The following ADD3 variants were observed in gnomAD, a reference collection of about 807,000 sequenced individuals.
The protein encoded by ADD3 is adducin 3, also known as gamma-adducin.
A neutral mutation model predicts 80.2 loss-of-function variants in ADD3; 25 were observed. The ratio of observed to expected loss-of-function variants is 0.31; its 90% CI spans 0.23 to 0.44. ADD3 has a LOEUF of 0.44. Among genes scored for constraint, ADD3 ranks in the 20% least tolerant of loss-of-function variants. The probability of loss-of-function intolerance (pLI) is 1.00; values close to 1 mark genes in which losing one functional copy is unlikely to be tolerated. For synonymous variants in ADD3, 284 were observed against 289.6 expected, an observed-to-expected ratio of 0.98 and a Z score of 0.20; for missense variants, 829 against 847.5, an observed-to-expected ratio of 0.98 and a Z score of 0.27.
At chr10:110,053,211 A>G (rs1189407613) in intron 1 of ADD3, among the ~76,000 whole-genome samples, 1 of 152,104 alleles carries the variant, frequency 6.6e-6, no homozygotes, top group Non-Finnish European at 1.5e-5. Flanking sequence ...ATTTAGTTCA[A>G]TAGTAATAAA....
chr10:110,013,671 TA>T (rs1852591227), intron 1 of ADD3, among the ~76,000 whole-genome samples: 1 of 152,172 alleles, frequency 6.6e-6, no homozygotes, highest in African/African-American at 2.4e-5. Context: ...TACACGAAAT[TA>T]TTTTTTTAAG....
chr10:110,109,067 T>A (rs1849694621), intron 2 of ADD3, among the ~76,000 whole-genome samples: 1 of 152,204 alleles, frequency 6.6e-6, no homozygotes, highest in African/African-American at 2.4e-5. Context: ...AGCATTTCAC[T>A]AATGTAAAAA....
upstream of ADD3, among the ~76,000 whole-genome samples, chr10:110,003,769 A>G (rs1204193448): frequency 2.0e-5 from 3 of 152,158 alleles, no homozygotes; most frequent in Non-Finnish European, 4.4e-5. Context: ...TGTGGCTACA[A>G]TTTAATTGGA....
At position 110,126,425 on chromosome 10, in the gene ADD3, A is replaced by T; in HGVS notation, c.1530A>T (p.Glu510Asp). 6.2e-7 allele frequency: 1 copy of T among 1,613,400 alleles called. No individual in the cohort carries two copies. The highest frequency in any genetic ancestry group is 8.5e-7 in the Non-Finnish European group (1 of 1,179,782). The change falls in exon 12 of 15, where the codon GAA (glutamate) becomes GAT (aspartate). Residue 510 changes from glutamate to aspartate, a missense_variant. Glu to Asp is a conservative substitution (Grantham distance 45). Coordinates refer to ENST00000356080, the MANE Select transcript of ADD3 (RefSeq NM_016824.5). ...ATTGTTTTTCAATTCAGATTCGGGAACAAAATCGATATGACTTGAAAACAG... is the reference window on the plus strand; with the variant it reads ...ATTGTTTTTCAATTCAGATTCGGGATCAAAATCGATATGACTTGAAAACAG... ...EVLEKRNKIR[E>D]QNRYDLKTAG...
upstream of ADD3, among the ~76,000 whole-genome samples, chr10:110,005,296 G>A (rs1216706000): frequency 6.6e-6 from 1 of 150,644 alleles, no homozygotes; most frequent in Non-Finnish European, 1.5e-5. Flanking sequence ...TCCTGACCTC[G>A]TGATCTACCT....
intron 1 of ADD3, chr10:109,996,594 A>T (rs1851384358): frequency 6.6e-6 from 1 of 152,224 alleles, no homozygotes; most frequent in African/African-American, 2.4e-5. Context: ...AGAGAAGGAA[A>T]TGAGAACTAA....
intron 1 of ADD3, among the ~76,000 whole-genome samples, chr10:110,043,254 A>C (rs553582266): frequency 6.6e-6 from 1 of 152,248 alleles, no homozygotes; most frequent in South Asian, 2.1e-4. Flanking sequence ...CTTGCATCCG[A>C]ATTAATGTTC....
rs766896416 is a variant in ADD3, at chr10:110,133,355, A to G, written c.1858A>G (p.Ile620Val). The G allele has an allele frequency of 1.3e-6, 2 of 1,592,996 alleles. No individual in the cohort carries two copies. Among genetic ancestry groups the G allele is most frequent in the African/African-American group, 1.3e-5 (1 of 74,722 alleles). The part of the protein sequence containing the change: ...ENHELFSKSF[I>V]SMEVPVMVVN... ...CCATGAGCTGTTTTCCAAGAGCTTC[A>G]TCTCCATGGAAGTGCCTGTCATGGT... is the stretch of plus-strand genomic sequence containing the variant. The change falls in exon 15 of 15, where the codon ATC (isoleucine) becomes GTC (valine). Residue 620 changes from isoleucine to valine, a missense_variant. Transcript: ENST00000356080.
intron 1 of ADD3, among the ~76,000 whole-genome samples, chr10:110,042,502 T>C (rs757681486): frequency 2.0e-5 from 3 of 151,990 alleles, no homozygotes; most frequent in Non-Finnish European, 4.4e-5. Context: ...CTTAAATCTT[T>C]TTACCAAAAA....
chr10:110,065,883 G>A (rs978109880), intron 1 of ADD3, among the ~76,000 whole-genome samples: 3 of 151,710 alleles, frequency 2.0e-5, no homozygotes, highest in African/African-American at 4.8e-5. Context: ...TTGTGTCTCT[G>A]TGCTTCATTC....
At chr10:110,033,008 T>C (rs1210641764) in intron 1 of ADD3, among the ~76,000 whole-genome samples, 3 of 152,292 alleles carry the variant, frequency 2.0e-5, no homozygotes, top group East Asian at 1.9e-4. Flanking sequence ...GTGGCAGCCT[T>C]GTGGGTGAGG....
At chr10:110,118,147 C>A (rs959017863) in intron 5 of ADD3, among the ~76,000 whole-genome samples, 41 of 151,680 alleles carry the variant, frequency 2.7e-4, no homozygotes, top group African/African-American at 8.0e-4. Context: ...TTTATCTTTT[C>A]CATGACTACT....
At chr10:110,124,580 G>C (rs1851908631) in intron 10 of ADD3, among the ~76,000 whole-genome samples, 1 of 152,064 alleles carries the variant, frequency 6.6e-6, no homozygotes. Flanking sequence ...TCTGACTCTT[G>C]AGCCCAGTTC....
intron 2 of ADD3, chr10:110,105,911 C>T (rs1182707726): frequency 6.6e-6 from 1 of 152,106 alleles, no homozygotes; most frequent in Non-Finnish European, 1.5e-5. Context: ...ATATTCTAAC[C>T]TTTAGCTTCA....
intron 1 of ADD3, among the ~76,000 whole-genome samples, chr10:110,015,702 A>G (rs1460765886): frequency 6.6e-6 from 1 of 152,080 alleles, no homozygotes; most frequent in Non-Finnish European, 1.5e-5. Flanking sequence ...TTAAGTGGAC[A>G]TCAAATTTAT....
intron 1 of ADD3, among the ~76,000 whole-genome samples, chr10:110,070,565 A>G (rs1844548127): frequency 6.6e-6 from 1 of 152,190 alleles, no homozygotes; most frequent in African/African-American, 2.4e-5. Flanking sequence ...TGATTCTGTA[A>G]ACTGAAATCC....
chr10:110,027,939 G>A (rs1854503545), intron 1 of ADD3, among the ~76,000 whole-genome samples: 3 of 152,186 alleles, frequency 2.0e-5, no homozygotes, highest in Non-Finnish European at 4.4e-5. Context: ...TGAGAGGAGA[G>A]CTTGGGTAGA....
chr10:110,056,447 A>G (rs1377536930), intron 1 of ADD3, among the ~76,000 whole-genome samples: 2 of 152,212 alleles, frequency 1.3e-5, no homozygotes, highest in African/African-American at 4.8e-5. Flanking sequence ...ACCCCATTTT[A>G]TATTGGGAAT....
intron 12 of ADD3, among the ~76,000 whole-genome samples, chr10:110,129,895 A>G (rs939693027): frequency 1.4e-4 from 21 of 152,180 alleles, no homozygotes; most frequent in African/African-American, 5.1e-4. Flanking sequence ...CATGGGTTCC[A>G]TATGCCAACT....
Sources: gnomAD v4.1 joint callset for allele counts (sites outside exome capture counted in the v4.1 genomes callset) on GRCh38, gnomAD v4.1.1 for gene constraint, MANE v1.5 for transcripts, NCBI Gene and HGNC (gene_info 2026-07-23, HGNC 2026-07-21) for gene names.